TLK2: variants seen among roughly 807,000 people sequenced by gnomAD.
TLK2 encodes the protein tousled like kinase 2, also known as serine/threonine-protein kinase tousled-like 2.
In TLK2, 6 loss-of-function variants were observed where a neutral mutation model predicts 117.3. The ratio of observed to expected loss-of-function variants is 0.05; its 90% CI spans 0.03 to 0.10. The LOEUF is 0.10. Ranked by LOEUF, TLK2 falls within the 10% of genes least tolerant of loss-of-function variation. TLK2 has a pLI of 1.00. For synonymous variants in TLK2, 257 were observed against 316.7 expected (o/e 0.81, Z 2.00); for missense variants, 299 against 901.2 (o/e 0.33, Z 8.56).
intron 15 of TLK2, among the ~76,000 whole-genome samples, chr17:62,581,880 T>C (rs1403099206): frequency 2.0e-5 from 3 of 152,236 alleles, no homozygotes; most frequent in Non-Finnish European, 4.4e-5. Context: ...TCTCTTTTTT[T>C]CCATGCTCTG....
intron 21 of TLK2, among the ~76,000 whole-genome samples, chr17:62,609,228 G>A (rs186306242): frequency 1.3e-5 from 2 of 152,250 alleles, no homozygotes; most frequent in African/African-American, 2.4e-5. Context: ...GACTACAGGT[G>A]TGCACCACTG....
chr17:62,563,338 G>T (rs367799815), intron 10 of TLK2, among the ~76,000 whole-genome samples: 1 of 152,214 alleles, frequency 6.6e-6, no homozygotes, highest in East Asian at 1.9e-4. Context: ...TAGCTACTCA[G>T]GAGGCTGAGG....
At chr17:62,486,928 A>G (rs193118523) in intron 2 of TLK2, among the ~76,000 whole-genome samples, 85 of 152,380 alleles carry the variant, frequency 5.6e-4, no homozygotes, top group African/African-American at 1.9e-3. Context: ...AGCCATGTCA[A>G]TGATCATTTT....
At chr17:62,509,077 T>G (rs1323968957) in intron 2 of TLK2, among the ~76,000 whole-genome samples, 1 of 152,194 alleles carries the variant, frequency 6.6e-6, no homozygotes, top group Non-Finnish European at 1.5e-5. Flanking sequence ...TCCTAACCTT[T>G]TATTTTATTT....
chr17:62,565,898 G>A (rs2079748009), intron 11 of TLK2, among the ~76,000 whole-genome samples: 2 of 152,228 alleles, frequency 1.3e-5, no homozygotes, highest in Middle Eastern at 3.4e-3. Context: ...GAACTTTATA[G>A]GACATGTTCC....
In TLK2 at chr17:62,531,268, A is replaced by G. The variant is rs552144655; in HGVS notation, c.364-4902A>G. Reference sequence around the variant, plus strand: ...TACCATGGCTTTTGACTTTTTTTGTATTTTTGTTCTTCTTGTCTTTATATA... The same window carrying G: ...TACCATGGCTTTTGACTTTTTTTGTGTTTTTGTTCTTCTTGTCTTTATATA... On this transcript the variant is annotated intron_variant, in intron 6 of 21. Transcript: ENST00000346027. Among the ~76,000 whole-genome samples, 3 of 129,360 alleles carry G rather than the reference A, an allele frequency of 2.3e-5. No individual in the cohort carries two copies. The East Asian group carries it at 6.2e-4, about 27-fold the overall frequency. The allele number at this position is 129,360 out of a possible 152,430, so 84.9% of individuals were successfully genotyped here.
At chr17:62,566,332 C>T (rs2079792425) in intron 11 of TLK2, among the ~76,000 whole-genome samples, 1 of 152,004 alleles carries the variant, frequency 6.6e-6, no homozygotes, top group Non-Finnish European at 1.5e-5. Flanking sequence ...AAATAAGAAA[C>T]TTATGCCTGA....
chr17:62,533,452 GTGTGTGTGTC>G (rs1335958490), intron 6 of TLK2, among the ~76,000 whole-genome samples: 1 of 146,218 alleles, frequency 6.8e-6, no homozygotes, highest in East Asian at 2.0e-4. Context: ...GTAGCCCAGT[GTGTGTGTGTC>G]TGTGTGTGTG....
At chr17:62,583,502 G>A (rs191849681) in intron 15 of TLK2, among the ~76,000 whole-genome samples, 1 of 152,198 alleles carries the variant, frequency 6.6e-6, no homozygotes, top group East Asian at 1.9e-4. Flanking sequence ...CATCAAAATT[G>A]GTTCTTGGTG....
intron 6 of TLK2, among the ~76,000 whole-genome samples, chr17:62,530,051 A>C (rs972552283): frequency 6.6e-6 from 1 of 151,914 alleles, no homozygotes; most frequent in African/African-American, 2.4e-5. Context: ...GAGGCAGGCA[A>C]ATCATGAGGT....
chr17:62,609,579 G>GTACTGGT (rs1232604041), intron 21 of TLK2, among the ~76,000 whole-genome samples: 4 of 152,150 alleles, frequency 2.6e-5, no homozygotes, highest in African/African-American at 7.2e-5. Context: ...AACAGTTTAA[G>GTACTGGT]TACTGCATAA....
intron 19 of TLK2, among the ~76,000 whole-genome samples, chr17:62,605,611 G>A (rs1212336647): frequency 6.6e-6 from 1 of 152,040 alleles, no homozygotes; most frequent in African/African-American, 2.4e-5. Flanking sequence ...GAGTTCAAGC[G>A]ATCTGCTGGC....
chr17:62,559,972 A>T, intron 9 of TLK2, 44 bp from the exon 10 acceptor site: 1 of 1,408,630 alleles, frequency 7.1e-7, no homozygotes, highest in Non-Finnish European at 9.8e-7. Context: ...TTTTCCATTA[A>T]TCTTCTTCCT....
intron 2 of TLK2, among the ~76,000 whole-genome samples, chr17:62,484,980 C>T (rs1015987005): frequency 3.3e-5 from 5 of 152,054 alleles, no homozygotes; most frequent in East Asian, 1.9e-4. Flanking sequence ...TGGCTGAGCC[C>T]GGGAGGCGGG....
At chr17:62,511,344 TTAATA>T (rs1447887028) in intron 2 of TLK2, among the ~76,000 whole-genome samples, 1 of 152,198 alleles carries the variant, frequency 6.6e-6, no homozygotes, top group Non-Finnish European at 1.5e-5. Context: ...TATTTCATAA[TTAATA>T]TATATAAATG....
intron 15 of TLK2, 129 bp downstream of exon 15, chr17:62,580,321 C>T: frequency 1.6e-6 from 1 of 607,346 alleles, no homozygotes; most frequent in Non-Finnish European, 2.6e-6. Context: ...CTTTAAAAAC[C>T]TGTATCTTTG....
intron 17 of TLK2, among the ~76,000 whole-genome samples, chr17:62,600,047 A>G (rs1035499487): frequency 2.0e-5 from 3 of 152,230 alleles, no homozygotes; most frequent in African/African-American, 7.2e-5. Context: ...TGTGTTTAAG[A>G]GAAATTGTAG....
At chr17:62,531,153 A>C (rs560359936) in intron 6 of TLK2, among the ~76,000 whole-genome samples, 23 of 152,200 alleles carry the variant, frequency 1.5e-4, no homozygotes, top group Non-Finnish European at 2.1e-4. Flanking sequence ...ATAATTAGCC[A>C]TTGTCTCTTT....
At chr17:62,572,349 G>T (rs556098283) in intron 11 of TLK2, among the ~76,000 whole-genome samples, 4 of 151,806 alleles carry the variant, frequency 2.6e-5, no homozygotes, top group African/African-American at 9.7e-5. Flanking sequence ...CTCCAATTTT[G>T]TATGTTTTTA....
Sources: gnomAD v4.1 joint callset for allele counts (sites outside exome capture counted in the v4.1 genomes callset) on GRCh38, gnomAD v4.1.1 for gene constraint, MANE v1.5 for transcripts, NCBI Gene and HGNC (gene_info 2026-07-23, HGNC 2026-07-21) for gene names.